NBPF3: variants seen among roughly 807,000 people sequenced by gnomAD.
NBPF3 encodes NBPF family member NBPF3.
In NBPF3, 57 loss-of-function variants were observed where a neutral mutation model predicts 78.1. The observed-to-expected ratio is 0.73, with a 90% CI of 0.59 to 0.91. The LOEUF is 0.91. Ranked by LOEUF, NBPF3 falls within the 40% of genes least tolerant of loss-of-function variation. The pLI, the probability that NBPF3 is intolerant of heterozygous loss-of-function variation, is 0.00. For missense variants in NBPF3, 510 were observed against 715.3 expected, an observed-to-expected ratio of 0.71 and a Z score of 3.27; for synonymous variants, 182 against 271.7, an observed-to-expected ratio of 0.67 and a Z score of 3.25.
chr1:21,458,360 A>G (rs1360452583), intron 2 of NBPF3, among the ~76,000 whole-genome samples: 1 of 136,946 alleles, frequency 7.3e-6, no homozygotes, highest in East Asian at 2.2e-4. Flanking sequence ...TAATAAGGGC[A>G]TGGGCTTTTT....
At chr1:21,438,747 G>C (rs1301840305), upstream of NBPF3, among the ~76,000 whole-genome samples, 1 of 152,186 alleles carries the variant, frequency 6.6e-6, no homozygotes, top group Non-Finnish European at 1.5e-5. Flanking sequence ...CAGTCACGTG[G>C]CTCGTCCTGA....
rs1360621159 is a variant in NBPF3, at chr1:21,483,187, A to G, written c.1703A>G (p.Gln568Arg). ...GAAGCAGAAGAGCCTGAAGTCTTGCAGGACTCACTGGATAGATGTTATTCG... is the reference window on the plus strand; with the variant it reads ...GAAGCAGAAGAGCCTGAAGTCTTGCGGGACTCACTGGATAGATGTTATTCG... ...LMEAEEPEVLQDSLDRCYSTT... is the reference protein window; with the variant it reads ...LMEAEEPEVLRDSLDRCYSTT... The change falls in exon 15 of 15, where the codon CAG becomes CGG. Residue 568 changes from glutamine to arginine, a missense_variant. Physicochemically the swap from Gln to Arg is conservative, Grantham distance 43. Around this residue, in one of 5 missense-constraint regions of NBPF3, gnomAD observed 25 missense variants for 27.3 expected, o/e 0.92. Coordinates refer to ENST00000318249, the MANE Select transcript of NBPF3 (RefSeq NM_032264.6). The G allele has an allele frequency of 6.2e-7, 1 of 1,604,792 alleles. No homozygotes were observed. The highest frequency in any genetic ancestry group is 1.7e-5 in the Admixed American group (1 of 58,742).
chr1:21,440,283 G>C lies in NBPF3; in HGVS notation c.-205G>C, dbSNP rs113548640. The C allele has an allele frequency of 0.16, 24,490 of 152,276 alleles. 2,529 individuals carry two copies. Among genetic ancestry groups the C allele is most frequent in the Non-Finnish European group, 0.23 (15,639 of 68,044 alleles). 9.4% of individuals were successfully genotyped at this position (152,276 alleles called of 1,614,324 possible). On this transcript the variant is annotated 5_prime_UTR_variant, in exon 1 of 15. Transcript: ENST00000318249. The stretch of plus-strand genomic sequence containing the variant: ...GGCGCCAGGAGCTGGGCCGAGGCGC[G>C]GCGGCGCGGCTGCGGGCCGCCGTCT...
At chr1:21,464,874 A>T (rs1642167061) in intron 2 of NBPF3, among the ~76,000 whole-genome samples, 1 of 151,822 alleles carries the variant, frequency 6.6e-6, no homozygotes, top group African/African-American at 2.4e-5. Flanking sequence ...AGAAATGGTG[A>T]TGTGTGCCTA....
At chr1:21,469,220 G>A (rs751654905) in intron 3 of NBPF3, among the ~76,000 whole-genome samples, 27 of 152,110 alleles carry the variant, frequency 1.8e-4, no homozygotes, top group Non-Finnish European at 2.8e-4. Context: ...TATAAGATCC[G>A]GCAGACAAAT....
intron 6 of NBPF3, 32 bp downstream of exon 6, chr1:21,472,947 G>C (rs1472032100): frequency 6.6e-7 from 1 of 1,510,530 alleles, no homozygotes; most frequent in African/African-American, 1.4e-5. Context: ...CAAGTAATGG[G>C]TGGTAACATA....
intron 10 of NBPF3, among the ~76,000 whole-genome samples, chr1:21,479,820 C>CTCTCTGTGTGTGTGTGTGTGTGTGTGTG (rs766796014): frequency 3.5e-4 from 36 of 102,848 alleles, no homozygotes; most frequent in African/African-American, 1.1e-3. Flanking sequence ...CTCTCTCTCT[C>CTCTCTGTGTGTGTGTGTGTGTGTGTGTG]TGTGTGTGTG....
At chr1:21,447,978 A>G (rs963722195) in intron 2 of NBPF3, among the ~76,000 whole-genome samples, 4 of 150,684 alleles carry the variant, frequency 2.7e-5, no homozygotes, top group African/African-American at 9.8e-5. Context: ...TCTTTCACCT[A>G]TTTTTTTTTC....
In NBPF3 at chr1:21,478,261, T is replaced by G. The variant is rs1007739958; in HGVS notation, c.1110T>G (p.Phe370Leu). The change falls in exon 9 of 15, where the codon TTT becomes TTG. Residue 370 changes from phenylalanine (F) to leucine (L), a missense_variant. Around this residue, in one of 5 missense-constraint regions of NBPF3, gnomAD observed 440 missense variants for 478.2 expected, o/e 0.92. Transcript: ENST00000318249. ...SASYQSDRSTFHSVEEQQVGL... is the reference protein window; with the variant it reads ...SASYQSDRSTLHSVEEQQVGL... The stretch of plus-strand genomic sequence containing the variant: ...CATACCAGTCTGACAGGAGCACCTT[T>G]CACTCAGTAGAGGAACAGCAAGTCG... 3.7e-6 allele frequency: 6 copies of G among 1,614,050 alleles called. No individual in the cohort carries two copies. The African/African-American group carries it at 8.0e-5, about 22-fold the overall frequency.
intron 8 of NBPF3, among the ~76,000 whole-genome samples, chr1:21,475,154 A>C (rs1353357575): frequency 1.3e-5 from 2 of 152,248 alleles, no homozygotes; most frequent in African/African-American, 2.4e-5. Flanking sequence ...ACTTGCAATC[A>C]GATGAGCCAG....
Position 21,472,856 on chromosome 1 carries a change from T to C in NBPF3, c.675T>C (p.Asp225=), listed in dbSNP as rs776690667. The change falls in exon 6 of 15, where the codon GAT becomes GAC. Residue 225 remains aspartate (D), a synonymous_variant. Coordinates refer to ENST00000318249, the MANE Select transcript of NBPF3 (RefSeq NM_032264.6). Reference sequence around the variant, plus strand: ...CTGTATTTACAGAAAATGATGACGATGAGGATGAAGATGTTAAAGTTGAGG... The same window carrying C: ...CTGTATTTACAGAAAATGATGACGACGAGGATGAAGATGTTAAAGTTGAGG... ...VQKLSPENDD[D]EDEDVKVEEA... 8.1e-6 allele frequency: 13 copies of C among 1,611,110 alleles called. No homozygotes were observed. The highest frequency in any genetic ancestry group is 8.5e-7 in the Non-Finnish European group (1 of 1,177,328).
upstream of NBPF3, among the ~76,000 whole-genome samples, chr1:21,439,043 G>A (rs1009490997): frequency 6.6e-6 from 1 of 152,162 alleles, no homozygotes; most frequent in East Asian, 1.9e-4. Flanking sequence ...GAACTTCTGT[G>A]TGAGCTCTTT....
upstream of NBPF3, chr1:21,436,850 C>A: frequency 1.8e-6 from 1 of 561,732 alleles, no homozygotes; most frequent in Non-Finnish European, 2.3e-6. This position sits in a 1 kb window ranked among gnomAD's most constrained non-coding sequence, Gnocchi z 4.3. Context: ...GCCAGAGGCC[C>A]GGGGGGAGGG....
At chr1:21,458,300 A>C (rs1641749786) in intron 2 of NBPF3, among the ~76,000 whole-genome samples, 1 of 151,784 alleles carries the variant, frequency 6.6e-6, no homozygotes, top group South Asian at 2.1e-4. Context: ...AAGGCCCAGG[A>C]AAAGCCCAGG....
intron 8 of NBPF3, 91 bp downstream of exon 8, chr1:21,475,042 T>G (rs1642820567): frequency 8.2e-6 from 9 of 1,103,442 alleles, no homozygotes; most frequent in Non-Finnish European, 1.2e-5. Flanking sequence ...AATAGAACTT[T>G]TTATTCCATT....
At chr1:21,475,472 T>C (rs1015547949) in intron 8 of NBPF3, among the ~76,000 whole-genome samples, 1 of 152,210 alleles carries the variant, frequency 6.6e-6, no homozygotes, top group African/African-American at 2.4e-5. Context: ...TTGTTCTCAT[T>C]GGTTTCAAAG....
intron 2 of NBPF3, 126 bp from the exon 3 acceptor site, chr1:21,468,562 G>A: frequency 1.3e-6 from 2 of 1,572,024 alleles, no homozygotes; most frequent in Non-Finnish European, 1.7e-6. Flanking sequence ...AGTGCTGCGG[G>A]GACTGATCAC....
chr1:21,451,198 G>A lies in NBPF3; in HGVS notation c.133+5979G>A, dbSNP rs192605437. 7.2e-5 allele frequency among the ~76,000 whole-genome samples: 11 copies of A among 152,318 alleles called. No homozygotes were observed. In the East Asian group the frequency reaches 1.9e-3, roughly 27 times the overall value. On this transcript the variant is annotated intron_variant, in intron 2 of 14. Transcript: ENST00000318249. Reference sequence around the variant, plus strand: ...CCTTTAGCCATTCCATGGAATGAATGTATCACAGTTTATTGGTCCATTCTT... The same window carrying A: ...CCTTTAGCCATTCCATGGAATGAATATATCACAGTTTATTGGTCCATTCTT...
At position 21,476,700 on chromosome 1, in the gene NBPF3, G is replaced by C. The variant is rs1201186040; in HGVS notation, c.993-1444G>C. On this transcript the variant is annotated intron_variant, in intron 8 of 14. Coordinates refer to ENST00000318249, the MANE Select transcript of NBPF3 (RefSeq NM_032264.6). This position sits in a 1 kb window ranked among gnomAD's most constrained non-coding sequence, Gnocchi z 4.1. The stretch of plus-strand genomic sequence containing the variant: ...GGTAACTCGACCATTCTCTCTGGCT[G>C]CCCTTAACATTTTTTCCTTCTTTCA... 6.6e-6 allele frequency among the ~76,000 whole-genome samples: 1 copy of C among 152,308 alleles called. No homozygotes were observed. The highest frequency in any genetic ancestry group is 1.9e-4 in the East Asian group (1 of 5,180).
Sources: gnomAD v4.1 joint callset for allele counts (sites outside exome capture counted in the v4.1 genomes callset) on GRCh38, gnomAD v4.1.1 for gene constraint, gnomAD v4.1.1 regional missense constraint, Gnocchi (gnomAD v3.1) non-coding constraint, MANE v1.5 for transcripts, NCBI Gene and HGNC (gene_info 2026-07-23, HGNC 2026-07-21) for gene names.